The following ARMH4 variants were observed in gnomAD, a reference collection of about 807,000 sequenced individuals.
ARMH4 encodes armadillo-like helical domain-containing protein 4.
In ARMH4, 49 loss-of-function variants were observed where a neutral mutation model predicts 61.9. The ratio of observed to expected loss-of-function variants is 0.79; its 90% CI spans 0.63 to 1.00. ARMH4 has a LOEUF of 1.00. Among genes scored for constraint, ARMH4 ranks in the 50% least tolerant of loss-of-function variants. ARMH4 has a pLI of 0.00. For missense variants in ARMH4, 934 were observed against 930.0 expected, an observed-to-expected ratio of 1.00 and a Z score of -0.06; for synonymous variants, 368 against 341.5, an observed-to-expected ratio of 1.08 and a Z score of -0.85.
At chr14:58,129,795 C>G (rs1887026725) in intron 4 of ARMH4, among the ~76,000 whole-genome samples, 1 of 152,154 alleles carries the variant, frequency 6.6e-6, no homozygotes, top group African/African-American at 2.4e-5. Context: ...TAAAAATGTG[C>G]TAATTCAAAA....
At chr14:58,015,190 A>G (rs1171822455) in intron 5 of ARMH4, among the ~76,000 whole-genome samples, 1 of 152,230 alleles carries the variant, frequency 6.6e-6, no homozygotes, top group African/African-American at 2.4e-5. Context: ...TTGGATGATT[A>G]TCTAATGAAG....
At chr14:58,130,158 T>A (rs976317386) in intron 4 of ARMH4, among the ~76,000 whole-genome samples, 1 of 152,198 alleles carries the variant, frequency 6.6e-6, no homozygotes, top group Non-Finnish European at 1.5e-5. Context: ...CCAGATGGCA[T>A]CAAGGAGAGC....
intron 4 of ARMH4, chr14:58,116,547 A>C (rs1334257963): frequency 4.7e-6 from 1 of 212,374 alleles, no homozygotes; most frequent in Non-Finnish European, 1.0e-5. Context: ...GGGGTGCTGC[A>C]CATCTCTAGT....
intron 1 of ARMH4, among the ~76,000 whole-genome samples, chr14:58,149,427 C>G (rs1887852729): frequency 6.6e-6 from 1 of 152,136 alleles, no homozygotes; most frequent in African/African-American, 2.4e-5. Flanking sequence ...AGCATGGTCC[C>G]CCAGGAGGAA....
In ARMH4 at chr14:58,031,613, G is replaced by A. The variant is rs554663073; in HGVS notation, c.2090-19463C>T. ...GTTTTATACTCCCAGAGAGGAACTT[G>A]CAACAGACTTCGGCGAGAACTGCAG... On this transcript the variant is annotated intron_variant, in intron 5 of 7. Transcript: ENST00000267485. Among the ~76,000 whole-genome samples the A allele has an allele frequency of 3.3e-5, 5 of 152,266 alleles. No homozygotes were observed. In the East Asian group the frequency reaches 9.6e-4, roughly 29 times the overall value.
chr14:58,095,755 T>A (rs144444163), intron 5 of ARMH4, among the ~76,000 whole-genome samples: 4 of 152,114 alleles, frequency 2.6e-5, no homozygotes, highest in African/African-American at 9.7e-5. Context: ...CAGAATTACA[T>A]CCAGAGCAAA....
At chr14:58,142,283 C>A (rs1193707772) in intron 1 of ARMH4, among the ~76,000 whole-genome samples, 2 of 151,990 alleles carry the variant, frequency 1.3e-5, no homozygotes, top group Non-Finnish European at 2.9e-5. Context: ...TTAGAAATTT[C>A]TTTTCATAAG....
chr14:58,134,974 A>C (rs1301906063), intron 2 of ARMH4, among the ~76,000 whole-genome samples: 2 of 151,932 alleles, frequency 1.3e-5, no homozygotes, highest in African/African-American at 2.4e-5. Flanking sequence ...AAAAAAAAAA[A>C]AATTTATTAA....
Position 58,152,180 on chromosome 14 carries a change from C to T in ARMH4, c.-162G>A, listed in dbSNP as rs1431998981. The T allele has an allele frequency of 6.3e-6, 1 of 159,730 alleles. No homozygotes were observed. The highest frequency in any genetic ancestry group is 1.4e-5 in the Non-Finnish European group (1 of 73,790). 9.9% of individuals were successfully genotyped at this position (159,730 alleles called of 1,614,324 possible). A position where few individuals can be genotyped will look rare whatever the true frequency, so the allele number is the denominator to read the frequency against. On this transcript the variant is annotated 5_prime_UTR_variant, in exon 1 of 8. Coordinates refer to ENST00000267485, the MANE Select transcript of ARMH4 (RefSeq NM_001001872.4). ...GCGGCGGCGGCGGCGGTAGCGGCGG[C>T]GACTCCCTCCGCTGTCTGGGACGCT... is the stretch of plus-strand genomic sequence containing the variant.
chr14:58,001,954 C>T lies in ARMH4; in HGVS notation c.*2782G>A, dbSNP rs1882001352. The stretch of plus-strand genomic sequence containing the variant: ...CACAACTGAAGCTGCAGGAATCAGC[C>T]CTCCTTTCCAGACAGCTTTATTTGT... On this transcript the variant is annotated 3_prime_UTR_variant, in exon 8 of 8. Coordinates refer to ENST00000267485, the MANE Select transcript of ARMH4 (RefSeq NM_001001872.4). 1 of 152,100 alleles carries T rather than the reference C, an allele frequency of 6.6e-6. No homozygotes were observed. Among genetic ancestry groups the T allele is most frequent in the African/African-American group, 2.4e-5 (1 of 41,410 alleles). 9.4% of individuals were successfully genotyped at this position (152,100 alleles called of 1,614,324 possible). A position where few individuals can be genotyped will look rare whatever the true frequency, so the allele number is the denominator to read the frequency against.
At chr14:58,006,630 T>C (rs968651933) in intron 6 of ARMH4, among the ~76,000 whole-genome samples, 2 of 152,144 alleles carry the variant, frequency 1.3e-5, no homozygotes, top group Non-Finnish European at 2.9e-5. Flanking sequence ...TACTAAGTAT[T>C]TTTCCCCAAG....
chr14:58,031,004 G>C (rs940651663), intron 5 of ARMH4, among the ~76,000 whole-genome samples: 1 of 152,080 alleles, frequency 6.6e-6, no homozygotes, highest in Non-Finnish European at 1.5e-5. Flanking sequence ...AGTAGAATTA[G>C]GTTATTACTT....
intron 5 of ARMH4, among the ~76,000 whole-genome samples, chr14:58,085,263 T>C (rs1309529155): frequency 1.3e-5 from 2 of 152,130 alleles, no homozygotes; most frequent in Non-Finnish European, 2.9e-5. Context: ...TTTAACATCA[T>C]CTTTGTTCAC....
chr14:58,085,440 A>G (rs2141248394), intron 5 of ARMH4, among the ~76,000 whole-genome samples: 1 of 151,946 alleles, frequency 6.6e-6, no homozygotes. Flanking sequence ...CATTCTGATT[A>G]CAAAGAAATT....
intron 5 of ARMH4, among the ~76,000 whole-genome samples, chr14:58,090,190 A>G (rs541305196): frequency 3.3e-5 from 5 of 152,376 alleles, no homozygotes; most frequent in African/African-American, 1.2e-4. Flanking sequence ...TTAACAAACC[A>G]ATAGATTTAT....
At chr14:58,045,888 G>C (rs1883919879) in intron 5 of ARMH4, among the ~76,000 whole-genome samples, 1 of 152,100 alleles carries the variant, frequency 6.6e-6, no homozygotes, top group Non-Finnish European at 1.5e-5. Flanking sequence ...CCATTAACAA[G>C]GAAGGCAGAG....
chr14:58,123,547 C>T (rs1018483944), intron 4 of ARMH4, among the ~76,000 whole-genome samples: 14 of 152,116 alleles, frequency 9.2e-5, no homozygotes, highest in African/African-American at 3.4e-4. Context: ...ATCAATGAGG[C>T]CGTTGTCCCT....
At chr14:58,084,251 T>G (rs1885315291) in intron 5 of ARMH4, among the ~76,000 whole-genome samples, 1 of 152,212 alleles carries the variant, frequency 6.6e-6, no homozygotes, top group South Asian at 2.1e-4. Context: ...TTGCCCCACC[T>G]TCTTGTTACT....
intron 5 of ARMH4, among the ~76,000 whole-genome samples, chr14:58,058,459 T>C (rs1002356523): frequency 6.6e-6 from 1 of 152,184 alleles, no homozygotes; most frequent in Non-Finnish European, 1.5e-5. Flanking sequence ...GATTATGTGC[T>C]AAACTCATGA....
Sources: gnomAD v4.1 joint callset for allele counts (sites outside exome capture counted in the v4.1 genomes callset) on GRCh38, gnomAD v4.1.1 for gene constraint, MANE v1.5 for transcripts, NCBI Gene and HGNC (gene_info 2026-07-23, HGNC 2026-07-21) for gene names.